Variants in IMPA2 observed in about 807,000 individuals in gnomAD.
IMPA2 encodes the protein IMP 2.
In IMPA2, 32 loss-of-function variants were observed where a neutral mutation model predicts 35.1. The ratio of observed to expected loss-of-function variants is 0.91; its 90% confidence interval spans 0.69 to 1.23. The LOEUF is 1.23. IMPA2 is among the 50% of genes most tolerant of loss of function. The probability of loss-of-function intolerance (pLI) is 0.00; values close to 1 mark genes in which losing one functional copy is unlikely to be tolerated. For synonymous variants in IMPA2, 135 were observed against 160.6 expected (o/e 0.84, Z 1.20); for missense variants, 334 against 387.6 (o/e 0.86, Z 1.16).
chr18:11,987,623 G>A lies in IMPA2; in HGVS notation c.96+5858G>A, dbSNP rs181082632. Among the ~76,000 whole-genome samples the A allele has an allele frequency of 1.1e-4, 17 of 152,288 alleles. No homozygotes were observed. The East Asian group carries it at 1.7e-3, about 16-fold the overall frequency. On this transcript the variant is annotated intron_variant, in intron 1 of 7. Coordinates refer to ENST00000269159, the MANE Select transcript of IMPA2 (RefSeq NM_014214.3). ...TGGGATTACAGGCACGAGCCACTGC[G>A]CCTGGCCTCATTCAACTCTTGAGCA... is the stretch of plus-strand genomic sequence containing the variant.
intron 4 of IMPA2, 64 bp from the exon 5 acceptor site, chr18:12,014,198 CAAT>C: frequency 9.1e-7 from 1 of 1,100,390 alleles, no homozygotes; most frequent in Non-Finnish European, 1.4e-6. Context: ...CTTTGAATAA[CAAT>C]GTTTTTTCCC....
At chr18:12,017,520 C>T in intron 5 of IMPA2, 1 of 310,178 alleles carries the variant, frequency 3.2e-6, no homozygotes, top group Non-Finnish European at 6.2e-6. Context: ...TCTGGGGGGA[C>T]TTCCTGTTCC....
chr18:11,983,895 T>G (rs186517159), intron 1 of IMPA2, among the ~76,000 whole-genome samples: 1 of 152,288 alleles, frequency 6.6e-6, no homozygotes, highest in Non-Finnish European at 1.5e-5. Flanking sequence ...CCAGATGACC[T>G]GGTTCGGGGT....
At position 11,991,979 on chromosome 18, in the gene IMPA2, G is replaced by A. The variant is rs1270734153; in HGVS notation, c.97-7075G>A. On this transcript the variant is annotated intron_variant, in intron 1 of 7. Coordinates refer to ENST00000269159, the MANE Select transcript of IMPA2 (RefSeq NM_014214.3). The surrounding 1 kb of genome is among the most constrained non-coding windows in gnomAD (Gnocchi z 4.1). ...CTACCTCAGCCCCCTGAGTAGCTGGGATTATAGGCGTGTGCCAGCACACCC... is the reference window on the plus strand; with the variant it reads ...CTACCTCAGCCCCCTGAGTAGCTGGAATTATAGGCGTGTGCCAGCACACCC... Among the ~76,000 whole-genome samples, 1 of 152,164 alleles carries A rather than the reference G, an allele frequency of 6.6e-6. No homozygotes were observed. Among genetic ancestry groups the A allele is most frequent in the Non-Finnish European group, 1.5e-5 (1 of 68,026 alleles).
intron 2 of IMPA2, among the ~76,000 whole-genome samples, chr18:12,009,498 GCCAC>G (rs1907373351): frequency 6.6e-6 from 1 of 152,110 alleles, no homozygotes; most frequent in Non-Finnish European, 1.5e-5. Flanking sequence ...AGAGTCCTGG[GCCAC>G]CTTGCTTGGT....
At chr18:12,020,763 C>T (rs1907706883) in intron 5 of IMPA2, among the ~76,000 whole-genome samples, 1 of 152,000 alleles carries the variant, frequency 6.6e-6, no homozygotes, top group Admixed American at 6.6e-5. Context: ...TGAAATATTT[C>T]CTTTATGTAA....
At chr18:11,989,704 G>T (rs1906759759) in intron 1 of IMPA2, among the ~76,000 whole-genome samples, 1 of 152,228 alleles carries the variant, frequency 6.6e-6, no homozygotes. Flanking sequence ...CAGGGTGCCA[G>T]TGAGGTCCCA....
At chr18:12,020,198 T>C (rs1235493620) in intron 5 of IMPA2, among the ~76,000 whole-genome samples, 1 of 151,978 alleles carries the variant, frequency 6.6e-6, no homozygotes, top group Non-Finnish European at 1.5e-5. Flanking sequence ...ATTGATTGAT[T>C]GATTGATTGA....
At chr18:11,998,727 G>C (rs1322432124) in intron 1 of IMPA2, among the ~76,000 whole-genome samples, 1 of 152,054 alleles carries the variant, frequency 6.6e-6, no homozygotes, top group African/African-American at 2.4e-5. Context: ...TCTTTTACTC[G>C]AAGAGAAGTT....
chr18:11,985,299 C>T (rs1302098569), intron 1 of IMPA2, among the ~76,000 whole-genome samples: 2 of 152,056 alleles, frequency 1.3e-5, no homozygotes, highest in African/African-American at 4.8e-5. Flanking sequence ...AATAACAATT[C>T]TTTCACTGCT....
chr18:12,003,589 T>A (rs1907171211), intron 2 of IMPA2, among the ~76,000 whole-genome samples: 2 of 149,484 alleles, frequency 1.3e-5, no homozygotes, highest in Non-Finnish European at 2.9e-5. Context: ...AAGTGGAGGT[T>A]GCAGTGAGCT....
At chr18:12,022,532 T>C (rs1362964830) in intron 5 of IMPA2, among the ~76,000 whole-genome samples, 16 of 75,394 alleles carry the variant, frequency 2.1e-4, no homozygotes, top group Admixed American at 3.2e-4. Flanking sequence ...AAAAAGAATA[T>C]ATATATATAT....
chr18:12,012,375 A>G (rs552792286), intron 4 of IMPA2, 160 bp downstream of exon 4: 2 of 675,718 alleles, frequency 3.0e-6, no homozygotes, highest in Admixed American at 5.0e-5. Context: ...GAGAAAATAA[A>G]CAAGTCCAGA....
chr18:11,985,634 T>G (rs966497602), intron 1 of IMPA2, among the ~76,000 whole-genome samples: 1 of 152,178 alleles, frequency 6.6e-6, no homozygotes, highest in Non-Finnish European at 1.5e-5. Flanking sequence ...TGGTTTATTT[T>G]TGTGATCCAC....
intron 1 of IMPA2, among the ~76,000 whole-genome samples, chr18:11,987,353 C>T (rs536674761): frequency 2.6e-5 from 4 of 152,132 alleles, no homozygotes; most frequent in African/African-American, 7.2e-5. Flanking sequence ...TTTTTTGAGA[C>T]GACGTCTAGC....
At chr18:11,985,574 A>G (rs1906642738) in intron 1 of IMPA2, among the ~76,000 whole-genome samples, 1 of 152,190 alleles carries the variant, frequency 6.6e-6, no homozygotes, top group African/African-American at 2.4e-5. Flanking sequence ...ATTAGTTGTA[A>G]GTGAGTCTGT....
chr18:12,024,387 GAC>G lies in IMPA2; in HGVS notation c.491-3654_491-3653del, dbSNP rs770745838. 4.1e-3 allele frequency among the ~76,000 whole-genome samples: 621 copies of G among 150,046 alleles called. 2 individuals carry two copies. Among genetic ancestry groups the G allele is most frequent in the Non-Finnish European group, 6.8e-3 (461 of 67,372 alleles). On this transcript the variant is annotated intron_variant, in intron 5 of 7. Transcript: ENST00000269159. ...TAATCCCCGCTACTTGGGAGGCTGA[GAC>G]AAGAGAACTGCGTGAACCTGGGAGG...
At chr18:12,024,353 G>A (rs1384552599) in intron 5 of IMPA2, among the ~76,000 whole-genome samples, 1 of 152,076 alleles carries the variant, frequency 6.6e-6, no homozygotes, top group South Asian at 2.1e-4. Flanking sequence ...GCATGGTGGT[G>A]CGCACCTGTA....
intron 5 of IMPA2, among the ~76,000 whole-genome samples, chr18:12,019,046 G>T (rs1012970866): frequency 6.6e-6 from 1 of 151,680 alleles, no homozygotes; most frequent in African/African-American, 2.4e-5. Context: ...GGCTGGTCTC[G>T]AATTCCTGGC....
Sources: gnomAD v4.1 joint callset for allele counts (sites outside exome capture counted in the v4.1 genomes callset) on GRCh38, gnomAD v4.1.1 for gene constraint, Gnocchi (gnomAD v3.1) non-coding constraint, MANE v1.5 for transcripts, NCBI Gene and HGNC (gene_info 2026-07-23, HGNC 2026-07-21) for gene names.